XRN2: variants seen among roughly 807,000 people sequenced by gnomAD.
XRN2 encodes 5'-3' exoribonuclease 2.
XRN2 carries 44 observed loss-of-function variants against 138.5 expected under a neutral mutation model. That is an observed-to-expected ratio of 0.32 (90% CI 0.25 to 0.41). XRN2 has a LOEUF of 0.41. Among genes scored for constraint, XRN2 ranks in the 10% least tolerant of loss-of-function variants. The pLI is 1.00. For synonymous variants in XRN2, 354 were observed against 369.4 expected (o/e 0.96, Z 0.48); for missense variants, 937 against 1,169.3 (o/e 0.80, Z 2.90).
chr20:21,365,887 AATAT>A (rs2038690366), intron 26 of XRN2, among the ~76,000 whole-genome samples, 183 bp downstream of exon 26: 1 of 84,584 alleles, frequency 1.2e-5, no homozygotes, highest in Non-Finnish European at 2.5e-5. Context: ...AATATTATAT[AATAT>A]ATAATTATAT....
intron 1 of XRN2, among the ~76,000 whole-genome samples, chr20:21,318,203 G>T (rs2037986245): frequency 6.6e-6 from 1 of 152,012 alleles, no homozygotes; most frequent in Non-Finnish European, 1.5e-5. Context: ...TAATTTGTTG[G>T]TGTATGACTA....
At chr20:21,380,612 C>G (rs1480368002) in intron 27 of XRN2, among the ~76,000 whole-genome samples, 2 of 152,196 alleles carry the variant, frequency 1.3e-5, no homozygotes, top group Non-Finnish European at 2.9e-5. Context: ...CTCGGTTTGA[C>G]TGCTAGTAGT....
At chr20:21,344,546 A>C (rs2038411925) in intron 16 of XRN2, among the ~76,000 whole-genome samples, 1 of 152,144 alleles carries the variant, frequency 6.6e-6, no homozygotes, top group South Asian at 2.1e-4. Flanking sequence ...AGACTGATTA[A>C]ATTTTCAAGC....
At chr20:21,334,431 A>G (rs555401216) in intron 13 of XRN2, among the ~76,000 whole-genome samples, 100 of 152,332 alleles carry the variant, frequency 6.6e-4, no homozygotes, top group Middle Eastern at 3.4e-3. Flanking sequence ...TAATCTGAAT[A>G]TAAATCCAAA....
chr20:21,331,792 C>G lies in XRN2; in HGVS notation c.674C>G (p.Thr225Ser), dbSNP rs757988681. 9 of 1,610,436 alleles carry G rather than the reference C, an allele frequency of 5.6e-6. No individual in the cohort carries two copies. The South Asian group carries it at 1.0e-4, about 18-fold the overall frequency. The change falls in exon 8 of 30, where the codon ACT (threonine) becomes AGT (serine). Residue 225 changes from threonine (T) to serine (S), a missense_variant. Thr to Ser is a moderately conservative substitution (Grantham distance 58). Coordinates refer to ENST00000377191, the MANE Select transcript of XRN2 (RefSeq NM_012255.5). ...GCCCAGCCTAACCATGACCCAAATA[C>G]TCATCATTGTTTATGTGGAGCAGAT... Reference protein sequence around the residue: ...QRAQPNHDPNTHHCLCGADAD... With the variant: ...QRAQPNHDPNSHHCLCGADAD...
intron 26 of XRN2, 45 bp downstream of exon 26, chr20:21,365,749 A>C: frequency 6.5e-7 from 1 of 1,533,290 alleles, no homozygotes; most frequent in East Asian, 2.4e-5. Flanking sequence ...CTTTTTCTGA[A>C]TCATCCCATA....
rs989123476 is a variant in XRN2 at position 21,382,081 on chromosome 20, T to A, written c.2648+24T>A. ...AGGTAATATTAAAAGTAGACATGACTTTTAAATACTTTCTGACACCAACAT... is the reference window on the plus strand; with the variant it reads ...AGGTAATATTAAAAGTAGACATGACATTTAAATACTTTCTGACACCAACAT... On this transcript the variant is annotated intron_variant, in intron 28 of 29. Transcript: ENST00000377191. 3 of 1,583,066 alleles carry A rather than the reference T, an allele frequency of 1.9e-6. No individual in the cohort carries two copies. In the African/African-American group the frequency reaches 4.1e-5, roughly 21 times the overall value.
intron 1 of XRN2, among the ~76,000 whole-genome samples, chr20:21,308,738 CT>C (rs970478723): frequency 2.6e-5 from 4 of 152,156 alleles, no homozygotes; most frequent in African/African-American, 4.8e-5. Flanking sequence ...TTTGATATAT[CT>C]TTTGCAAATA....
Position 21,368,510 on chromosome 20 carries a change from C to G in XRN2, c.2504C>G (p.Ala835Gly). The change falls in exon 27 of 30, where the codon GCA becomes GGA. Residue 835 changes from alanine (A) to glycine (G), a missense_variant. This residue lies in a region of XRN2 where 372 missense variants were observed against 414.4 expected (regional missense o/e 0.90). Coordinates refer to ENST00000377191, the MANE Select transcript of XRN2 (RefSeq NM_012255.5). ...GGAACTGGCATTTACAGCAATGCTG[C>G]ACCACCACCTGTGACTTACCAGGGA... ...GSGTGIYSNA[A>G]PPPVTYQGNL... The G allele has an allele frequency of 6.2e-7, 1 of 1,614,060 alleles. No homozygotes were observed. Among genetic ancestry groups the G allele is most frequent in the Non-Finnish European group, 8.5e-7 (1 of 1,179,964 alleles).
chr20:21,333,456 C>A, intron 9 of XRN2, 88 bp from the exon 10 acceptor site: 1 of 1,281,946 alleles, frequency 7.8e-7, no homozygotes. Flanking sequence ...ATGGATTGTG[C>A]GTTAGAAAAA....
rs1232182399 is a variant in XRN2, at chr20:21,368,605, A to G, written c.2584+15A>G. 1.9e-6 allele frequency: 3 copies of G among 1,609,438 alleles called. No individual in the cohort carries two copies. Among genetic ancestry groups the G allele is most frequent in the South Asian group, 2.2e-5 (2 of 89,564 alleles). On this transcript the variant is annotated intron_variant, in intron 27 of 29. Coordinates refer to ENST00000377191, the MANE Select transcript of XRN2 (RefSeq NM_012255.5). ...ACTTATGTCAAGTAAGCTTTTACAAATCGGTTATTTTACATTATAAATTAA... is the reference window on the plus strand; with the variant it reads ...ACTTATGTCAAGTAAGCTTTTACAAGTCGGTTATTTTACATTATAAATTAA...
At chr20:21,346,386 C>G in intron 16 of XRN2, 29 bp from the exon 17 acceptor site, 3 of 1,611,862 alleles carry the variant, frequency 1.9e-6, no homozygotes, top group Non-Finnish European at 2.5e-6. Flanking sequence ...TGTGTTAATT[C>G]AGCATAAATG....
At chr20:21,313,372 C>T (rs1025086164) in intron 1 of XRN2, among the ~76,000 whole-genome samples, 4 of 152,288 alleles carry the variant, frequency 2.6e-5, no homozygotes, top group Admixed American at 6.5e-5. Context: ...CTCAATTTTT[C>T]GCTGCTCTGT....
chr20:21,347,862 A>T (rs909738307), intron 17 of XRN2, among the ~76,000 whole-genome samples: 9 of 152,230 alleles, frequency 5.9e-5, no homozygotes, highest in African/African-American at 2.2e-4. Flanking sequence ...TAAAAATCTT[A>T]CCAAATTGTG....
At chr20:21,318,224 T>C (rs2037986778) in intron 1 of XRN2, among the ~76,000 whole-genome samples, 1 of 152,180 alleles carries the variant, frequency 6.6e-6, no homozygotes, top group Non-Finnish European at 1.5e-5. Context: ...TTCATGGTAT[T>C]TCTTTATAAT....
At chr20:21,330,728 T>G (rs1195542662) in intron 6 of XRN2, 23 bp downstream of exon 6, 3 of 1,593,004 alleles carry the variant, frequency 1.9e-6, no homozygotes, top group Admixed American at 3.3e-5. Flanking sequence ...TTTTGATACT[T>G]CAGAAAGATT....
At chr20:21,325,267 C>T (rs1480353747) in intron 1 of XRN2, among the ~76,000 whole-genome samples, 1 of 152,254 alleles carries the variant, frequency 6.6e-6, no homozygotes, top group East Asian at 1.9e-4. Context: ...AATTAGATCT[C>T]ATAGTCTTAA....
intron 13 of XRN2, among the ~76,000 whole-genome samples, chr20:21,336,008 C>T (rs1237640054): frequency 2.0e-5 from 3 of 152,244 alleles, no homozygotes; most frequent in Non-Finnish European, 4.4e-5. Flanking sequence ...GGAAGTATGT[C>T]CCTGGCATTT....
intron 27 of XRN2, among the ~76,000 whole-genome samples, chr20:21,375,808 G>GTTTT (rs2038813789): frequency 2.7e-5 from 4 of 147,636 alleles, no homozygotes; most frequent in East Asian, 2.0e-4. Flanking sequence ...AATACCAGGT[G>GTTTT]TTTTTATTTA....
Sources: allele counts gnomAD v4.1 joint callset (sites outside exome capture counted in the v4.1 genomes callset), GRCh38; gene constraint gnomAD v4.1.1; regional missense constraint gnomAD v4.1.1; transcripts MANE v1.5; gene names NCBI Gene and HGNC (gene_info 2026-07-23, HGNC 2026-07-21).